Variants in MARK3 observed in about 807,000 individuals in gnomAD.
MARK3 encodes the protein microtubule affinity regulating kinase 3, also known as MAP/microtubule affinity-regulating kinase 3.
In MARK3, 46 loss-of-function variants were observed where a neutral mutation model predicts 90.1. The observed-to-expected ratio is 0.51, with a 90% CI of 0.40 to 0.65. The LOEUF is 0.65. MARK3 is among the 30% of genes least tolerant of loss of function. MARK3 has a pLI of 0.00. For synonymous variants in MARK3, 321 were observed against 332.6 expected, an observed-to-expected ratio of 0.97 and a Z score of 0.38; for missense variants, 818 against 947.2, an observed-to-expected ratio of 0.86 and a Z score of 1.79.
chr14:103,471,691 C>G (rs941137125), intron 12 of MARK3, among the ~76,000 whole-genome samples: 3 of 151,932 alleles, frequency 2.0e-5, no homozygotes, highest in African/African-American at 7.3e-5. Context: ...GCTGTCCTTC[C>G]TCGTTTGAGA....
At chr14:103,387,138 C>G (rs551646159) in intron 1 of MARK3, among the ~76,000 whole-genome samples, 2 of 152,230 alleles carry the variant, frequency 1.3e-5, no homozygotes, top group East Asian at 1.9e-4. Flanking sequence ...GGAATGCTTC[C>G]TTGCTTTGAG....
intron 2 of MARK3, among the ~76,000 whole-genome samples, chr14:103,411,332 A>G (rs896667956): frequency 3.9e-5 from 6 of 152,206 alleles, no homozygotes; most frequent in African/African-American, 1.2e-4. Context: ...TACTCCTCCT[A>G]TGGCTCACAT....
chr14:103,399,514 G>C (rs1038289152), intron 1 of MARK3, among the ~76,000 whole-genome samples: 1 of 151,890 alleles, frequency 6.6e-6, no homozygotes, highest in African/African-American at 2.4e-5. Flanking sequence ...TCGAGACCAC[G>C]GTGAAACCTC....
chr14:103,502,850 A>G (rs750252760), intron 17 of MARK3, 32 bp from the exon 18 acceptor site: 1 of 1,559,592 alleles, frequency 6.4e-7, no homozygotes, highest in East Asian at 2.3e-5. Flanking sequence ...TTCCTGTACG[A>G]TTAAAAATAA....
At chr14:103,500,230 T>C in intron 17 of MARK3, 30 bp downstream of exon 17, 1 of 1,541,314 alleles carries the variant, frequency 6.5e-7, no homozygotes, top group Non-Finnish European at 8.8e-7. Context: ...CTTAAAATTT[T>C]TTTCAGGTGT....
At chr14:103,396,295 A>G (rs955654728) in intron 1 of MARK3, among the ~76,000 whole-genome samples, 3 of 152,062 alleles carry the variant, frequency 2.0e-5, no homozygotes, top group African/African-American at 4.8e-5. Flanking sequence ...ACAAATCAGG[A>G]TTTTCCAATA....
intron 14 of MARK3, among the ~76,000 whole-genome samples, chr14:103,489,000 T>A (rs2093976197): frequency 6.6e-6 from 1 of 152,248 alleles, no homozygotes; most frequent in Non-Finnish European, 1.5e-5. Flanking sequence ...TGCCAGGCTT[T>A]CTGCTTACAC....
chr14:103,405,317 T>C (rs764766680), intron 2 of MARK3, 50 bp downstream of exon 2: 1 of 1,359,726 alleles, frequency 7.4e-7, no homozygotes, highest in Non-Finnish European at 9.9e-7. Context: ...TCTGTTTATT[T>C]CCATGTAAGA....
intron 7 of MARK3, among the ~76,000 whole-genome samples, chr14:103,462,761 G>A (rs2093426132): frequency 6.6e-6 from 1 of 152,158 alleles, no homozygotes; most frequent in African/African-American, 2.4e-5. Flanking sequence ...AGCATCCTCA[G>A]TGCCACCCGG....
At chr14:103,433,861 G>T (rs539032796) in intron 3 of MARK3, among the ~76,000 whole-genome samples, 22 of 152,186 alleles carry the variant, frequency 1.4e-4, no homozygotes, top group African/African-American at 5.3e-4. Flanking sequence ...CAGGAGTTTA[G>T]TCCCAAACAA....
rs1369853612 is a variant in MARK3 at position 103,395,427 on chromosome 14, A to G, written c.51+9347A>G. ...AGATTTTTATGACTTCACTTTCTCA[A>G]TTTCCTCTGTGGCCAGATTCATCAG... On this transcript the variant is annotated intron_variant, in intron 1 of 17. Transcript: ENST00000429436. 9.9e-5 allele frequency among the ~76,000 whole-genome samples: 15 copies of G among 151,902 alleles called. No individual in the cohort carries two copies. The East Asian group carries it at 1.5e-3, about 16-fold the overall frequency.
intron 3 of MARK3, among the ~76,000 whole-genome samples, chr14:103,431,448 T>A (rs1186727422): frequency 6.6e-6 from 1 of 152,088 alleles, no homozygotes; most frequent in Non-Finnish European, 1.5e-5. Flanking sequence ...CTGGTCAACA[T>A]GGTGAAACCG....
intron 1 of MARK3, among the ~76,000 whole-genome samples, chr14:103,401,580 C>G (rs555041625): frequency 6.6e-6 from 1 of 152,224 alleles, no homozygotes; most frequent in South Asian, 2.1e-4. Context: ...GAGCAAAACA[C>G]AGGGCTGGAG....
intron 1 of MARK3, among the ~76,000 whole-genome samples, chr14:103,391,670 A>C (rs561160757): frequency 7.1e-6 from 1 of 141,792 alleles, no homozygotes; most frequent in East Asian, 2.1e-4. Context: ...CAGCCTCCCG[A>C]GTAGCTGGGA....
rs564952658 is a variant in MARK3, at chr14:103,492,438, A to G, written c.1844+404A>G. On this transcript the variant is annotated intron_variant, in intron 15 of 17. Transcript: ENST00000429436. The stretch of plus-strand genomic sequence containing the variant: ...CATAATCATCTCCAGCCCCAGAGGA[A>G]AGAGACAGCTTCTCTTTTCTCACTT... Among the ~76,000 whole-genome samples the G allele has an allele frequency of 3.9e-5, 6 of 152,254 alleles. No individual in the cohort carries two copies. The East Asian group carries it at 1.2e-3, about 29-fold the overall frequency.
chr14:103,451,368 A>C (rs1166711207), intron 4 of MARK3, among the ~76,000 whole-genome samples: 1 of 152,170 alleles, frequency 6.6e-6, no homozygotes, highest in Non-Finnish European at 1.5e-5. Flanking sequence ...TCCCCCCCTC[A>C]ATTAATTGCA....
At chr14:103,449,040 A>G (rs2093065825) in intron 4 of MARK3, 73 bp downstream of exon 4, 2 of 1,409,176 alleles carry the variant, frequency 1.4e-6, no homozygotes, top group Admixed American at 2.2e-5. Context: ...CTAAACACGT[A>G]TTCTAGAAAT....
rs181869180 is a variant in MARK3, at chr14:103,437,037, G to A, written c.297+8597G>A. Reference sequence around the variant, plus strand: ...GAACCCAGGAGACGGAGGTTGCAGTGAGCCAAGATGGCACCACTGCACTCC... The same window carrying A: ...GAACCCAGGAGACGGAGGTTGCAGTAAGCCAAGATGGCACCACTGCACTCC... On this transcript the variant is annotated intron_variant, in intron 3 of 17. Coordinates refer to ENST00000429436, the MANE Select transcript of MARK3 (RefSeq NM_001128918.3). Among the ~76,000 whole-genome samples, 141 of 151,404 alleles carry A rather than the reference G, an allele frequency of 9.3e-4. 2 individuals are homozygous for A. Among genetic ancestry groups the A allele is most frequent in the African/African-American group, 3.4e-3 (140 of 41,230 alleles).
At chr14:103,498,707 AT>A (rs2075483588) in intron 16 of MARK3, among the ~76,000 whole-genome samples, 179 bp downstream of exon 16, 1 of 152,208 alleles carries the variant, frequency 6.6e-6, no homozygotes, top group Non-Finnish European at 1.5e-5. Flanking sequence ...TCTGTCAGGC[AT>A]TTTAAAGGGA....
Sources: allele counts gnomAD v4.1 joint callset (sites outside exome capture counted in the v4.1 genomes callset), GRCh38; gene constraint gnomAD v4.1.1; transcripts MANE v1.5; gene names NCBI Gene and HGNC (gene_info 2026-07-23, HGNC 2026-07-21).